The following DNMT1 variants were observed in gnomAD, a reference collection of about 807,000 sequenced individuals.
The protein encoded by DNMT1 is DNA (cytosine-5)-methyltransferase 1.
Under a neutral mutation model 205.3 loss-of-function variants are expected in DNMT1, and 24 were observed. That is an observed-to-expected ratio of 0.12 (90% CI 0.08 to 0.16). The LOEUF (loss-of-function observed/expected upper bound fraction) is 0.16. Ranked by LOEUF, DNMT1 falls within the 10% of genes least tolerant of loss-of-function variation. The pLI, the probability that DNMT1 is intolerant of heterozygous loss-of-function variation, is 1.00. For missense variants in DNMT1, 1,293 were observed against 2,177.7 expected (o/e 0.59, Z 8.09); for synonymous variants, 817 against 839.8 (o/e 0.97, Z 0.47).
chr19:10,141,589 G>A, intron 30 of DNMT1: 1 of 344,408 alleles, frequency 2.9e-6, no homozygotes, highest in Non-Finnish European at 5.5e-6. Flanking sequence ...TGACTCGTGG[G>A]CCCTCTCCAT....
chr19:10,178,898 G>T (rs1339516350), intron 5 of DNMT1, among the ~76,000 whole-genome samples: 1 of 151,562 alleles, frequency 6.6e-6, no homozygotes, highest in African/African-American at 2.4e-5. Context: ...AGGCCGAGGC[G>T]GGCGGATCAT....
At chr19:10,150,028 T>C in intron 24 of DNMT1, 60 bp from the exon 25 acceptor site, 31 of 1,422,634 alleles carry the variant, frequency 2.2e-5, no homozygotes, top group Non-Finnish European at 3.0e-5. Flanking sequence ...TGGCCTTGAC[T>C]TGCATGGTCC....
intron 6 of DNMT1, 85 bp downstream of exon 6, chr19:10,177,207 A>G: frequency 8.1e-7 from 1 of 1,233,080 alleles, no homozygotes; most frequent in Non-Finnish European, 1.2e-6. Context: ...CACGGAAGAC[A>G]GAATTGCCAC....
intron 6 of DNMT1, among the ~76,000 whole-genome samples, chr19:10,176,576 G>A (rs908827691): frequency 2.6e-5 from 4 of 152,128 alleles, no homozygotes; most frequent in African/African-American, 9.7e-5. Flanking sequence ...AGACTGTTTT[G>A]GCTGGGCACG....
chr19:10,156,965 T>C lies in DNMT1; in HGVS notation c.1281-456A>G, dbSNP rs892510107. Among the ~76,000 whole-genome samples, 6 of 152,138 alleles carry C rather than the reference T, an allele frequency of 3.9e-5. No homozygotes were observed. The highest frequency in any genetic ancestry group is 1.2e-4 in the African/African-American group (5 of 41,434). ...GGAACACTGGATTAAGACAGCGTTCTATCACCCAGAGTTTCTACCTTATTC... is the reference window on the plus strand; with the variant it reads ...GGAACACTGGATTAAGACAGCGTTCCATCACCCAGAGTTTCTACCTTATTC... On this transcript the variant is annotated intron_variant, in intron 17 of 40. Coordinates refer to ENST00000359526, the MANE Select transcript of DNMT1 (RefSeq NM_001130823.3). The surrounding 1 kb of genome is among the most constrained non-coding windows in gnomAD (Gnocchi z 4.2).
rs2089584303 is a variant in DNMT1, at chr19:10,140,699, C to A, written c.3523+82G>T. On this transcript the variant is annotated intron_variant, in intron 32 of 40. Transcript: ENST00000359526. The surrounding 1 kb of genome is among the most constrained non-coding windows in gnomAD (Gnocchi z 8.4). Reference sequence around the variant, plus strand: ...GGAGATTCTTGAGTCAGGAAGGTGACCGGGGTTGGAAGTCGTTTCAGGTAG... The same window carrying A: ...GGAGATTCTTGAGTCAGGAAGGTGAACGGGGTTGGAAGTCGTTTCAGGTAG... The A allele has an allele frequency of 3.1e-6, 5 of 1,610,102 alleles. No homozygotes were observed. The highest frequency in any genetic ancestry group is 4.2e-6 in the Non-Finnish European group (5 of 1,177,302).
chr19:10,134,232 G>A lies in DNMT1; in HGVS notation c.4849C>T (p.Arg1617Ter), dbSNP rs948663724. Residue 1617 changes from arginine (R) to a stop codon, truncating the protein, a stop_gained, in exon 40 of 41, where the codon CGA becomes TGA. Coordinates refer to ENST00000359526, the MANE Select transcript of DNMT1 (RefSeq NM_001130823.3). LOFTEE classifies it high-confidence loss of function. ...CCCACCATACCTGAGGCACTCTCTCGGGCTTTGGCCAACATACAAAGCTTG... is the reference window on the plus strand; with the variant it reads ...CCCACCATACCTGAGGCACTCTCTCAGGCTTTGGCCAACATACAAAGCTTG... ...EIKLCMLAKA[R>*]ESASAKIKEE... The A allele has an allele frequency of 2.5e-6, 4 of 1,614,182 alleles. No individual in the cohort carries two copies. Among genetic ancestry groups the A allele is most frequent in the Non-Finnish European group, 2.5e-6 (3 of 1,180,040 alleles).
chr19:10,158,686 C>G (rs2038506176), intron 17 of DNMT1, among the ~76,000 whole-genome samples: 1 of 152,180 alleles, frequency 6.6e-6, no homozygotes, highest in African/African-American at 2.4e-5. Context: ...GGCCGGACGC[C>G]AGGCACCTTC....
At position 10,163,319 on chromosome 19, in the gene DNMT1, C is replaced by A; in HGVS notation, c.926+7G>T. Reference sequence around the variant, plus strand: ...GACACAAAAGCACAAGCATTTTAAACACTTACAGATCTTTGGGTTGACTTC... The same window carrying A: ...GACACAAAAGCACAAGCATTTTAAAAACTTACAGATCTTTGGGTTGACTTC... On this transcript the variant is annotated splice_region_variant and intron_variant, in intron 12 of 40. Coordinates refer to ENST00000359526, the MANE Select transcript of DNMT1 (RefSeq NM_001130823.3). 6.2e-7 allele frequency: 1 copy of A among 1,613,934 alleles called. No individual in the cohort carries two copies. Among genetic ancestry groups the A allele is most frequent in the Non-Finnish European group, 8.5e-7 (1 of 1,179,936 alleles).
rs750276363 is a variant in DNMT1, at chr19:10,135,595, G to A, written c.4773+141C>T. On this transcript the variant is annotated intron_variant, in intron 39 of 40. Coordinates refer to ENST00000359526, the MANE Select transcript of DNMT1 (RefSeq NM_001130823.3). The stretch of plus-strand genomic sequence containing the variant: ...CTCAGCACTGTCCCTCCTGTGGGCC[G>A]TCTTCCCACTGAGAGTGATGGGGCT... 39 of 844,874 alleles carry A rather than the reference G, an allele frequency of 4.6e-5. No individual in the cohort carries two copies. In the Admixed American group the frequency reaches 6.7e-4, roughly 14 times the overall value. 52.3% of individuals were successfully genotyped at this position (844,874 alleles called of 1,614,324 possible). A position where few individuals can be genotyped will look rare whatever the true frequency, so the allele number is the denominator to read the frequency against.
Position 10,134,257 on chromosome 19 carries a change from G to T in DNMT1, c.4824C>A (p.Ile1608=). 2 of 1,614,176 alleles carry T rather than the reference G, an allele frequency of 1.2e-6. No homozygotes were observed. Among genetic ancestry groups the T allele is most frequent in the Non-Finnish European group, 1.7e-6 (2 of 1,180,052 alleles). ...PPLAKAIGLE[I]KLCMLAKARE... is the part of the protein sequence containing the mutation. ...GGGCTTTGGCCAACATACAAAGCTT[G>T]ATCTCCAAGCCAATGGCTTTGGCCA... Residue 1608 remains isoleucine, a synonymous_variant, in exon 40 of 41, where the codon ATC becomes ATA. Transcript: ENST00000359526.
intron 7 of DNMT1, among the ~76,000 whole-genome samples, chr19:10,175,225 T>C (rs1408029592): frequency 6.6e-6 from 1 of 151,870 alleles, no homozygotes; most frequent in Non-Finnish European, 1.5e-5. Context: ...GATTTCAAAT[T>C]TGCTGGCTTT....
chr19:10,163,971 TC>T (rs1176640112), intron 11 of DNMT1, among the ~76,000 whole-genome samples: 1 of 151,994 alleles, frequency 6.6e-6, no homozygotes, highest in Admixed American at 6.6e-5. Flanking sequence ...CACAAGCTCC[TC>T]CCCAGGTTCA....
At position 10,151,892 on chromosome 19, in the gene DNMT1, GT is replaced by G; in HGVS notation, c.2020-46del. On this transcript the variant is annotated intron_variant, in intron 22 of 40. Coordinates refer to ENST00000359526, the MANE Select transcript of DNMT1 (RefSeq NM_001130823.3). The surrounding 1 kb of genome is among the most constrained non-coding windows in gnomAD (Gnocchi z 5.0). The stretch of plus-strand genomic sequence containing the variant: ...AGGCAAATCAGGGCTGGGCACAGTG[GT>G]TCATGCCTGTAATCCCAGTATTTCA... The G allele has an allele frequency of 1.3e-6, 2 of 1,569,068 alleles. No individual in the cohort carries two copies. Among genetic ancestry groups the G allele is most frequent in the Non-Finnish European group, 1.8e-6 (2 of 1,139,744 alleles).
chr19:10,191,807 C>A (rs1300998061), intron 1 of DNMT1, among the ~76,000 whole-genome samples: 2 of 151,508 alleles, frequency 1.3e-5, no homozygotes, highest in Admixed American at 6.6e-5. Context: ...CCAGCCTGGG[C>A]AACAAAGCAA....
intron 39 of DNMT1, chr19:10,135,298 G>A (rs942240756): frequency 3.9e-5 from 7 of 179,412 alleles, no homozygotes; most frequent in Non-Finnish European, 8.3e-5. Context: ...CACAAGAACC[G>A]TGGACACTGG....
At chr19:10,152,812 C>T (rs1050082756) in intron 22 of DNMT1, among the ~76,000 whole-genome samples, 1 of 151,712 alleles carries the variant, frequency 6.6e-6, no homozygotes, top group South Asian at 2.1e-4. Flanking sequence ...AAAAATGTGC[C>T]TATTTGGCTG....
rs1179920327 is a variant in DNMT1 at position 10,156,561 on chromosome 19, T to G, written c.1281-52A>C. On this transcript the variant is annotated intron_variant, in intron 17 of 40. Transcript: ENST00000359526. The surrounding 1 kb of genome is among the most constrained non-coding windows in gnomAD (Gnocchi z 4.2). ...ACCAGCTAAGCCGTGAAGGCGGGTC[T>G]TCGTGCAGACTTCAGATCAGGCACG... 7.3e-7 allele frequency: 1 copy of G among 1,368,972 alleles called. No individual in the cohort carries two copies. The highest frequency in any genetic ancestry group is 1.0e-6 in the Non-Finnish European group (1 of 958,220). 84.8% of individuals were successfully genotyped at this position (1,368,972 alleles called of 1,614,324 possible).
intron 11 of DNMT1, 93 bp from the exon 12 acceptor site, chr19:10,163,453 C>T (rs540172180): frequency 1.4e-5 from 19 of 1,334,278 alleles, no homozygotes; most frequent in African/African-American, 1.2e-4. Flanking sequence ...ACTGAAGTTA[C>T]AGGTTAGGGA....
Sources: allele counts gnomAD v4.1 joint callset (sites outside exome capture counted in the v4.1 genomes callset), GRCh38; gene constraint gnomAD v4.1.1; non-coding constraint Gnocchi (gnomAD v3.1); transcripts MANE v1.5; gene names NCBI Gene and HGNC (gene_info 2026-07-23, HGNC 2026-07-21).